Variants in CAMTA1 observed in about 807,000 individuals in gnomAD.
The protein encoded by CAMTA1 is calmodulin binding transcription activator 1, also known as calmodulin-binding transcription activator 1.
In CAMTA1, 27 loss-of-function variants were observed where a neutral mutation model predicts 170.9. The ratio of observed to expected loss-of-function variants is 0.16; its 90% CI spans 0.12 to 0.22. The LOEUF (loss-of-function observed/expected upper bound fraction) is 0.22. CAMTA1 is among the 10% of genes least tolerant of loss of function. The pLI, the probability that CAMTA1 is intolerant of heterozygous loss-of-function variation, is 1.00. For missense variants in CAMTA1, 1,619 were observed against 2,217.2 expected (o/e 0.73, Z 5.42); for synonymous variants, 833 against 891.5 (o/e 0.93, Z 1.17).
intron 3 of CAMTA1, among the ~76,000 whole-genome samples, chr1:7,071,093 A>C (rs1638584265): frequency 6.6e-6 from 1 of 152,196 alleles, no homozygotes; most frequent in South Asian, 2.1e-4. Context: ...GCTTAGGAGT[A>C]TGGACTGGAG....
intron 3 of CAMTA1, among the ~76,000 whole-genome samples, chr1:6,894,551 G>T (rs1675230282): frequency 6.6e-6 from 1 of 152,136 alleles, no homozygotes; most frequent in Non-Finnish European, 1.5e-5. Context: ...AGCCCTTCTT[G>T]GCAGTAAATA....
intron 3 of CAMTA1, chr1:6,871,926 T>C: frequency 8.2e-6 from 11 of 1,336,428 alleles, no homozygotes; most frequent in South Asian, 2.0e-5. Context: ...TGTAACACGC[T>C]GATTTCCTCA....
At chr1:7,076,735 T>C (rs1639351233) in intron 3 of CAMTA1, among the ~76,000 whole-genome samples, 1 of 152,180 alleles carries the variant, frequency 6.6e-6, no homozygotes. Flanking sequence ...TCCCAAGCAG[T>C]GGCAACATAG....
At chr1:6,921,309 A>G (rs1236683809) in intron 3 of CAMTA1, among the ~76,000 whole-genome samples, 1 of 152,244 alleles carries the variant, frequency 6.6e-6, no homozygotes. Context: ...AGTCACCTTT[A>G]TTCCAATTCC....
chr1:7,192,212 G>A (rs565628639), intron 4 of CAMTA1, among the ~76,000 whole-genome samples: 2 of 152,322 alleles, frequency 1.3e-5, no homozygotes, highest in South Asian at 4.1e-4. Flanking sequence ...CACTGATGTC[G>A]CTTGCGTGGT....
At chr1:7,651,874 T>C (rs1052409790) in intron 7 of CAMTA1, among the ~76,000 whole-genome samples, 1 of 152,208 alleles carries the variant, frequency 6.6e-6, no homozygotes, top group African/African-American at 2.4e-5. Flanking sequence ...TCTCCCACTG[T>C]TTCTAAATTC....
chr1:6,946,813 T>C (rs1221808833), intron 3 of CAMTA1, among the ~76,000 whole-genome samples: 2 of 152,232 alleles, frequency 1.3e-5, no homozygotes, highest in African/African-American at 4.8e-5. Context: ...AAGTTTTACA[T>C]TTTGATGATG....
chr1:7,700,427 T>C (rs2096426903), intron 11 of CAMTA1, among the ~76,000 whole-genome samples: 1 of 152,266 alleles, frequency 6.6e-6, no homozygotes, highest in African/African-American at 2.4e-5. Flanking sequence ...CTTATGATTT[T>C]TTCTTTTACT....
Position 7,641,601 on chromosome 1 carries a change from C to T in CAMTA1, c.664+1048C>T, listed in dbSNP as rs35502917. Among the ~76,000 whole-genome samples the T allele has an allele frequency of 0.1, 15,502 of 152,154 alleles. 1,073 individuals are homozygous for T. Among genetic ancestry groups the T allele is most frequent in the African/African-American group, 0.2 (8,305 of 41,484 alleles). On this transcript the variant is annotated intron_variant, in intron 7 of 22. Transcript: ENST00000303635. This position sits in a 1 kb window ranked among gnomAD's most constrained non-coding sequence, Gnocchi z 4.5. ...CTCGGATTTAGGGATCTGCTCCCAG[C>T]CTCAAGGTTGGGGATGAGGGTCAGG... is the stretch of plus-strand genomic sequence containing the variant.
chr1:7,584,923 G>A lies in CAMTA1; in HGVS notation c.511-55477G>A, dbSNP rs80015562. 4.7e-3 allele frequency among the ~76,000 whole-genome samples: 718 copies of A among 152,316 alleles called. 1 individual carries two copies. Among genetic ancestry groups the A allele is most frequent in the Non-Finnish European group, 6.6e-3 (452 of 68,024 alleles). On this transcript the variant is annotated intron_variant, in intron 6 of 22. Transcript: ENST00000303635. ...TATCCGGCCTACGACGCCAGTACTC[G>A]TGCCGAGGCTTAGAAACGTGGCTTG...
In CAMTA1 at chr1:7,544,246, T is replaced by G. The variant is rs143102982; in HGVS notation, c.510+76345T>G. ...AAGAAGATGCAAAAGCAGAAACCCC[T>G]GATAAACCTATCAGATTTCATGAGA... On this transcript the variant is annotated intron_variant, in intron 6 of 22. Transcript: ENST00000303635. Among the ~76,000 whole-genome samples the G allele has an allele frequency of 3.8e-3, 586 of 152,338 alleles. 3 individuals are homozygous for G. The highest frequency in any genetic ancestry group is 0.013 in the African/African-American group (549 of 41,580).
At position 7,564,127 on chromosome 1, in the gene CAMTA1, G is replaced by A. The variant is rs145643531; in HGVS notation, c.511-76273G>A. On this transcript the variant is annotated intron_variant, in intron 6 of 22. Transcript: ENST00000303635. ...GGTGCTAGGCCCATTGGGGCTCTCCGGATGTTCCGACCCCATGTCCCCTCC... is the reference window on the plus strand; with the variant it reads ...GGTGCTAGGCCCATTGGGGCTCTCCAGATGTTCCGACCCCATGTCCCCTCC... Among the ~76,000 whole-genome samples, 272 of 152,302 alleles carry A rather than the reference G, an allele frequency of 1.8e-3. 1 individual carries two copies. Among genetic ancestry groups the A allele is most frequent in the African/African-American group, 6.1e-3 (252 of 41,582 alleles).
chr1:6,987,578 G>A (rs1695570730), intron 3 of CAMTA1, among the ~76,000 whole-genome samples: 1 of 152,244 alleles, frequency 6.6e-6, no homozygotes, highest in African/African-American at 2.4e-5. Flanking sequence ...TTTGGCAGGT[G>A]ATCTGGCCTT....
At chr1:6,929,202 C>T (rs1683917946) in intron 3 of CAMTA1, among the ~76,000 whole-genome samples, 1 of 152,142 alleles carries the variant, frequency 6.6e-6, no homozygotes, top group Non-Finnish European at 1.5e-5. Context: ...CATTTCAAGA[C>T]AGAGTCTCGC....
intron 5 of CAMTA1, among the ~76,000 whole-genome samples, chr1:7,284,913 AG>A (rs1410116271): frequency 6.6e-6 from 1 of 152,164 alleles, no homozygotes; most frequent in Non-Finnish European, 1.5e-5. Flanking sequence ...AACTCGTGCA[AG>A]GAAGGATAGC....
chr1:7,274,468 T>C (rs1282510150), intron 5 of CAMTA1, among the ~76,000 whole-genome samples: 2 of 152,156 alleles, frequency 1.3e-5, no homozygotes, highest in Non-Finnish European at 2.9e-5. Context: ...AGTGACAGAA[T>C]TGAAAGGAAG....
chr1:6,797,459 C>T (rs1642805602), intron 1 of CAMTA1, among the ~76,000 whole-genome samples: 1 of 151,484 alleles, frequency 6.6e-6, no homozygotes, highest in Non-Finnish European at 1.5e-5. Context: ...GATCTTGGCT[C>T]ACCGCAACCT....
chr1:7,275,454 A>G (rs925571626), intron 5 of CAMTA1, among the ~76,000 whole-genome samples: 1 of 152,084 alleles, frequency 6.6e-6, no homozygotes, highest in African/African-American at 2.4e-5. Flanking sequence ...CAAACAATAG[A>G]AAACATTAAT....
chr1:7,258,029 T>C (rs1449307964), intron 5 of CAMTA1, among the ~76,000 whole-genome samples: 4 of 152,190 alleles, frequency 2.6e-5, no homozygotes, highest in African/African-American at 2.4e-5. Context: ...CTGGGGACTT[T>C]CGTGCTCCCT....
Sources: gnomAD v4.1 joint callset for allele counts (sites outside exome capture counted in the v4.1 genomes callset) on GRCh38, gnomAD v4.1.1 for gene constraint, Gnocchi (gnomAD v3.1) non-coding constraint, MANE v1.5 for transcripts, NCBI Gene and HGNC (gene_info 2026-07-23, HGNC 2026-07-21) for gene names.